IDH2: variants seen among roughly 807,000 people sequenced by gnomAD.
IDH2 encodes isocitrate dehydrogenase (NADP(+)) 2.
IDH2 carries 18 observed loss-of-function variants against 50.5 expected under a neutral mutation model. The ratio of observed to expected loss-of-function variants is 0.36; its 90% CI spans 0.25 to 0.53. The LOEUF is 0.53. Among genes scored for constraint, IDH2 ranks in the 20% least tolerant of loss-of-function variants. The pLI is 0.92. For missense variants in IDH2, 518 were observed against 610.7 expected (o/e 0.85, Z 1.60); for synonymous variants, 280 against 239.8 (o/e 1.17, Z -1.55).
chr15:90,093,605 A>AATTT (rs563245832), intron 1 of IDH2, among the ~76,000 whole-genome samples: 13 of 129,282 alleles, frequency 1.0e-4, no homozygotes, highest in Admixed American at 8.4e-4. Context: ...TTATTTAATT[A>AATTT]ATTAATTTAT....
At chr15:90,096,184 C>T (rs533806987) in intron 1 of IDH2, among the ~76,000 whole-genome samples, 28 of 152,214 alleles carry the variant, frequency 1.8e-4, no homozygotes, top group Non-Finnish European at 1.5e-5. Flanking sequence ...CCTGTAGTCC[C>T]AGCTATTTGG....
intron 3 of IDH2, among the ~76,000 whole-genome samples, chr15:90,089,097 A>G (rs1395103328): frequency 6.6e-6 from 1 of 151,714 alleles, no homozygotes; most frequent in Non-Finnish European, 1.5e-5. Flanking sequence ...TATTTTTAGG[A>G]GAGATGGGGT....
rs928867570 is a variant in IDH2, at chr15:90,083,935, G to A, written c.*331C>T. On this transcript the variant is annotated 3_prime_UTR_variant, in exon 11 of 11. Transcript: ENST00000330062. ...AGCTCTAGCAGGGCCTCTGCCTCAG[G>A]GTCCCACTACCTCCTCCCCTCAGGG... 2 of 435,780 alleles carry A rather than the reference G, an allele frequency of 4.6e-6. No homozygotes were observed. The highest frequency in any genetic ancestry group is 3.9e-5 in the African/African-American group (2 of 50,798). The allele number at this position is 435,780 out of a possible 1,614,324, so 27.0% of individuals were successfully genotyped here.
chr15:90,084,138 G>A lies in IDH2; in HGVS notation c.*128C>T. 4.2e-6 allele frequency: 3 copies of A among 713,596 alleles called. No individual in the cohort carries two copies. The highest frequency in any genetic ancestry group is 4.3e-5 in the Admixed American group (2 of 46,174). 44.2% of individuals were successfully genotyped at this position (713,596 alleles called of 1,614,324 possible). ...ACACATATGCTTTTAAAAACATCTGGCTTATAAAAAAACATCCCCTAGAAA... is the reference window on the plus strand; with the variant it reads ...ACACATATGCTTTTAAAAACATCTGACTTATAAAAAAACATCCCCTAGAAA... On this transcript the variant is annotated 3_prime_UTR_variant, in exon 11 of 11. Transcript: ENST00000330062. This position sits in a 1 kb window ranked among gnomAD's most constrained non-coding sequence, Gnocchi z 5.0.
In IDH2 at chr15:90,102,413, C is replaced by A. The variant is rs1181066026; in HGVS notation, c.-23G>T. The A allele has an allele frequency of 1.6e-6, 2 of 1,289,392 alleles. No individual in the cohort carries two copies. Among genetic ancestry groups the A allele is most frequent in the Non-Finnish European group, 2.0e-6 (2 of 996,900 alleles). The allele number at this position is 1,289,392 out of a possible 1,614,324, so 79.9% of individuals were successfully genotyped here. The stretch of plus-strand genomic sequence containing the variant: ...CATCCCAAGCTGGAGAGCGAACGAG[C>A]AGGGCGGGAGAGGTCCGAGCGCGCG... On this transcript the variant is annotated 5_prime_UTR_variant, in exon 1 of 11. Transcript: ENST00000330062.
At chr15:90,088,123 G>A (rs764371959) in intron 5 of IDH2, among the ~76,000 whole-genome samples, 1 of 151,798 alleles carries the variant, frequency 6.6e-6, no homozygotes, top group African/African-American at 2.4e-5. Flanking sequence ...TGTTTCAAGA[G>A]ATGGGGTCTC....
At chr15:90,097,852 C>G (rs1229770943) in intron 1 of IDH2, among the ~76,000 whole-genome samples, 1 of 151,918 alleles carries the variant, frequency 6.6e-6, no homozygotes, top group Non-Finnish European at 1.5e-5. Flanking sequence ...AAAATTTAAA[C>G]CAGTCAAAAA....
intron 2 of IDH2, 121 bp from the exon 3 acceptor site, chr15:90,090,765 A>G: frequency 9.5e-7 from 1 of 1,054,830 alleles, no homozygotes; most frequent in Non-Finnish European, 1.5e-6. Context: ...GGGATGAGTG[A>G]AGGCCAGTGG....
Position 90,084,126 on chromosome 15 carries a change from TA to T in IDH2, c.*139del. 1.5e-6 allele frequency: 1 copy of T among 682,940 alleles called. No individual in the cohort carries two copies. 42.3% of individuals were successfully genotyped at this position (682,940 alleles called of 1,614,324 possible). A position where few individuals can be genotyped will look rare whatever the true frequency, so the allele number is the denominator to read the frequency against. On this transcript the variant is annotated 3_prime_UTR_variant, in exon 11 of 11. Coordinates refer to ENST00000330062, the MANE Select transcript of IDH2 (RefSeq NM_002168.4). The surrounding 1 kb of genome is among the most constrained non-coding windows in gnomAD (Gnocchi z 5.0). ...ATGAGGGGAAACACACATATGCTTT[TA>T]AAAACATCTGGCTTATAAAAAAACA...
At chr15:90,102,132 A>C (rs541656775) in intron 1 of IDH2, 144 bp downstream of exon 1, 117 of 327,538 alleles carry the variant, frequency 3.6e-4, no homozygotes, top group Admixed American at 1.5e-3. Context: ...CGCGGAGCGA[A>C]GCTGCCCCGC....
At position 90,098,683 on chromosome 15, in the gene IDH2, A is replaced by G. The variant is rs1276463622; in HGVS notation, c.115+3593T>C. ...CCTCAGCCCCTGAGTAGCTGGGACT[A>G]CAGGCGCCTGCCACCACACCCAGCT... On this transcript the variant is annotated intron_variant, in intron 1 of 10. Transcript: ENST00000330062. The surrounding 1 kb of genome is among the most constrained non-coding windows in gnomAD (Gnocchi z 5.1). Among the ~76,000 whole-genome samples, 2 of 152,136 alleles carry G rather than the reference A, an allele frequency of 1.3e-5. No homozygotes were observed. Among genetic ancestry groups the G allele is most frequent in the African/African-American group, 4.8e-5 (2 of 41,450 alleles).
chr15:90,091,781 G>A (rs1009026987), intron 1 of IDH2, 137 bp from the exon 2 acceptor site: 31 of 754,922 alleles, frequency 4.1e-5, no homozygotes, highest in Middle Eastern at 3.1e-4. Flanking sequence ...CCACTCCCCC[G>A]TCTGCAAATC....
In IDH2 at chr15:90,084,273, C is replaced by T. The variant is rs1596071383; in HGVS notation, c.1352G>A (p.Arg451Lys). The T allele has an allele frequency of 1.2e-6, 2 of 1,613,962 alleles. No individual in the cohort carries two copies. Among genetic ancestry groups the T allele is most frequent in the Non-Finnish European group, 1.7e-6 (2 of 1,179,994 alleles). Residue 451 changes from arginine (R) to lysine (K), a missense_variant, in exon 11 of 11, where the codon AGG becomes AAG. Around this residue, in one of 5 missense-constraint regions of IDH2, gnomAD observed 135 missense variants for 167.6 expected, o/e 0.81. Transcript: ENST00000330062. This position sits in a 1 kb window ranked among gnomAD's most constrained non-coding sequence, Gnocchi z 5.0. ...CATGGGTGGCGCCTCCCCCTACTGC[C>T]TGCCCAGGGCTCTGTCCAGGTTGCT... ...IKSNLDRALG[R>K]Q is the part of the protein sequence containing the mutation.
In IDH2 at chr15:90,098,543, T is replaced by TATGCATGC. The variant is rs1036769363; in HGVS notation, c.115+3732_115+3733insGCATGCAT. Among the ~76,000 whole-genome samples, 8,685 of 147,762 alleles carry TATGCATGC rather than the reference T, an allele frequency of 0.059. 332 individuals are homozygous for TATGCATGC. Among genetic ancestry groups the TATGCATGC allele is most frequent in the Non-Finnish European group, 0.082 (5,397 of 65,828 alleles). The stretch of plus-strand genomic sequence containing the variant: ...GTATGTATGCATGCATGTATGTATG[T>TATGCATGC]ATGTATGTATGTATGTATTGAGACA... On this transcript the variant is annotated intron_variant, in intron 1 of 10. Transcript: ENST00000330062. This position sits in a 1 kb window ranked among gnomAD's most constrained non-coding sequence, Gnocchi z 5.1.
In IDH2 at chr15:90,085,178, G is replaced by A; in HGVS notation, c.1081-80C>T. The stretch of plus-strand genomic sequence containing the variant: ...GCCCAGATACAGCTGCCCGCCCCTG[G>A]GCTGGTGGGTCAGGCTCGTCCTTCC... On this transcript the variant is annotated intron_variant, in intron 8 of 10. Transcript: ENST00000330062. The surrounding 1 kb of genome is among the most constrained non-coding windows in gnomAD (Gnocchi z 5.5). 1 of 1,543,562 alleles carries A rather than the reference G, an allele frequency of 6.5e-7. No homozygotes were observed. Among genetic ancestry groups the A allele is most frequent in the Non-Finnish European group, 8.9e-7 (1 of 1,119,230 alleles).
intron 1 of IDH2, among the ~76,000 whole-genome samples, chr15:90,092,334 C>T (rs1331818833): frequency 7.7e-6 from 1 of 129,128 alleles, no homozygotes; most frequent in Admixed American, 7.3e-5. Flanking sequence ...TCCATCCATC[C>T]TTACTTACTT....
intron 1 of IDH2, among the ~76,000 whole-genome samples, chr15:90,093,801 G>C (rs915049693): frequency 6.6e-6 from 1 of 152,092 alleles, no homozygotes; most frequent in Non-Finnish European, 1.5e-5. Flanking sequence ...TGTATTTTTA[G>C]TAGAGACGGG....
intron 1 of IDH2, among the ~76,000 whole-genome samples, chr15:90,097,357 T>G (rs1297080328): frequency 6.6e-6 from 1 of 152,234 alleles, no homozygotes; most frequent in Non-Finnish European, 1.5e-5. Context: ...TAGATCTGTA[T>G]GTATAGGAAA....
In IDH2 at chr15:90,088,597, T is replaced by A. The variant is rs1261644524; in HGVS notation, c.524A>T (p.His175Leu). 5.0e-6 allele frequency: 8 copies of A among 1,614,100 alleles called. No individual in the cohort carries two copies. Residue 175 changes from histidine to leucine, a missense_variant, in exon 4 of 11, where the codon CAT becomes CTT. This residue lies in a region of IDH2 where 207 missense variants were observed against 208.6 expected (regional missense o/e 0.99). Transcript: ENST00000330062. ...TKPITIGRHA[H>L]GDQYKATDFV... The stretch of plus-strand genomic sequence containing the variant: ...TCCACCCTGGCCTACCTGGTCGCCA[T>A]GGGCGTGCCTGCCAATGGTGATGGG...
Sources: gnomAD v4.1 joint callset for allele counts (sites outside exome capture counted in the v4.1 genomes callset) on GRCh38, gnomAD v4.1.1 for gene constraint, gnomAD v4.1.1 regional missense constraint, Gnocchi (gnomAD v3.1) non-coding constraint, MANE v1.5 for transcripts, NCBI Gene and HGNC (gene_info 2026-07-23, HGNC 2026-07-21) for gene names.